EYA1: variants seen among roughly 807,000 people sequenced by gnomAD.
EYA1 encodes protein phosphatase EYA1.
In EYA1, 16 loss-of-function variants were observed where a neutral mutation model predicts 82.0. The observed-to-expected ratio is 0.20, with a 90% CI of 0.13 to 0.30. The LOEUF is 0.30. EYA1 is among the 10% of genes least tolerant of loss of function. The probability of loss-of-function intolerance (pLI) is 1.00; values close to 1 mark genes in which losing one functional copy is unlikely to be tolerated. For synonymous variants in EYA1, 261 were observed against 264.4 expected, an observed-to-expected ratio of 0.99 and a Z score of 0.12; for missense variants, 633 against 730.7, an observed-to-expected ratio of 0.87 and a Z score of 1.54.
intron 2 of EYA1, among the ~76,000 whole-genome samples, chr8:71,440,745 T>C (rs555581861): frequency 2.0e-5 from 3 of 152,266 alleles, no homozygotes; most frequent in Non-Finnish European, 4.4e-5. Context: ...AATTTTTGAA[T>C]TGTGGGGTTT....
chr8:71,489,024 C>A (rs1810789298), intron 2 of EYA1, among the ~76,000 whole-genome samples: 1 of 152,224 alleles, frequency 6.6e-6, no homozygotes, highest in African/African-American at 2.4e-5. Flanking sequence ...TTTCTACCAT[C>A]TCTTCCTGAT....
intron 9 of EYA1, among the ~76,000 whole-genome samples, chr8:71,291,626 A>G (rs928475806): frequency 2.6e-5 from 4 of 152,208 alleles, no homozygotes; most frequent in Non-Finnish European, 5.9e-5. Flanking sequence ...TTCGTTCACC[A>G]TTCACTTTTA....
chr8:71,244,478 T>A (rs1812837212), intron 12 of EYA1, 125 bp downstream of exon 12: 6 of 628,440 alleles, frequency 9.5e-6, no homozygotes, highest in Non-Finnish European at 1.7e-5. Context: ...CACATTGCCA[T>A]ATTACCAACA....
chr8:71,304,380 A>G (rs892498362), intron 7 of EYA1, among the ~76,000 whole-genome samples: 1 of 142,744 alleles, frequency 7.0e-6, no homozygotes, highest in Non-Finnish European at 1.6e-5. Flanking sequence ...CTTAATCTCT[A>G]TAGTAAATTG....
At chr8:71,398,781 T>A (rs1443005540) in intron 2 of EYA1, among the ~76,000 whole-genome samples, 1 of 152,206 alleles carries the variant, frequency 6.6e-6, no homozygotes, top group African/African-American at 2.4e-5. Flanking sequence ...TGTTCTCAGG[T>A]CTCAAACTCC....
intron 12 of EYA1, among the ~76,000 whole-genome samples, chr8:71,243,586 G>A (rs1049353419): frequency 6.6e-6 from 1 of 152,212 alleles, no homozygotes; most frequent in Non-Finnish European, 1.5e-5. Flanking sequence ...TCGTCTTTGA[G>A]TAGTTTCATT....
chr8:71,272,652 G>A (rs564372450), intron 9 of EYA1, among the ~76,000 whole-genome samples: 1 of 152,302 alleles, frequency 6.6e-6, no homozygotes, highest in South Asian at 2.1e-4. Flanking sequence ...GTCGGGCAGT[G>A]ATTGTGGAGC....
At chr8:71,252,878 C>A (rs939421244) in intron 11 of EYA1, among the ~76,000 whole-genome samples, 1 of 152,164 alleles carries the variant, frequency 6.6e-6, no homozygotes, top group Non-Finnish European at 1.5e-5. Context: ...TTAACAGTGA[C>A]AATTTGTGAA....
intron 2 of EYA1, among the ~76,000 whole-genome samples, chr8:71,450,157 T>C (rs1483873417): frequency 6.6e-6 from 1 of 152,238 alleles, no homozygotes; most frequent in Non-Finnish European, 1.5e-5. Context: ...GAAGTAACAC[T>C]TGTAATTTAC....
chr8:71,368,124 A>G (rs1219028759), intron 2 of EYA1, among the ~76,000 whole-genome samples: 1 of 152,216 alleles, frequency 6.6e-6, no homozygotes, highest in African/African-American at 2.4e-5. Flanking sequence ...TTTACCTGAA[A>G]TACAGAGTAA....
chr8:71,512,612 A>G (rs1422607199), intron 2 of EYA1, among the ~76,000 whole-genome samples: 1 of 152,082 alleles, frequency 6.6e-6, no homozygotes, highest in Admixed American at 6.6e-5. Flanking sequence ...AAAAAAATTG[A>G]AAATGAATTT....
At chr8:71,442,418 T>G (rs1315268126) in intron 2 of EYA1, among the ~76,000 whole-genome samples, 1 of 152,228 alleles carries the variant, frequency 6.6e-6, no homozygotes, top group Non-Finnish European at 1.5e-5. Flanking sequence ...ATAACATTTA[T>G]GCATGTGCCC....
chr8:71,386,214 C>T (rs1175286092), intron 2 of EYA1, among the ~76,000 whole-genome samples: 1 of 152,160 alleles, frequency 6.6e-6, no homozygotes, highest in Non-Finnish European at 1.5e-5. Flanking sequence ...AATCTCAGAT[C>T]AGCACTGTCT....
intron 12 of EYA1, among the ~76,000 whole-genome samples, chr8:71,237,478 T>C (rs1360818023): frequency 6.6e-6 from 1 of 152,198 alleles, no homozygotes; most frequent in Non-Finnish European, 1.5e-5. Flanking sequence ...TTTGGCTCAG[T>C]TGTGTCTTTA....
intron 12 of EYA1, among the ~76,000 whole-genome samples, chr8:71,243,285 T>G (rs1281481633): frequency 1.3e-5 from 2 of 152,188 alleles, no homozygotes; most frequent in Admixed American, 1.3e-4. Flanking sequence ...AAATGTGGAA[T>G]TTTTTGTGCT....
intron 2 of EYA1, among the ~76,000 whole-genome samples, chr8:71,406,423 C>T (rs140256948): frequency 0.016 from 2,381 of 152,278 alleles, 54 homozygotes; most frequent in African/African-American, 0.054. Flanking sequence ...GCGTGAGCGA[C>T]GCAGAAGACA....
intron 12 of EYA1, among the ~76,000 whole-genome samples, chr8:71,233,443 A>T (rs1240040812): frequency 6.6e-6 from 1 of 151,882 alleles, no homozygotes; most frequent in Non-Finnish European, 1.5e-5. Flanking sequence ...GGGCGCCTGT[A>T]TTCCCAGCTA....
intron 2 of EYA1, among the ~76,000 whole-genome samples, chr8:71,488,814 C>G (rs1563666111): frequency 6.6e-6 from 1 of 152,306 alleles, no homozygotes; most frequent in East Asian, 1.9e-4. Flanking sequence ...GAATGTCCAA[C>G]TTCTTGATTT....
chr8:71,518,000 C>T (rs1353697864), intron 2 of EYA1, among the ~76,000 whole-genome samples: 2 of 151,764 alleles, frequency 1.3e-5, no homozygotes, highest in African/African-American at 4.8e-5. Flanking sequence ...CGTATCTATA[C>T]TTTATAGACA....
Sources: allele counts gnomAD v4.1 joint callset (sites outside exome capture counted in the v4.1 genomes callset), GRCh38; gene constraint gnomAD v4.1.1; transcripts MANE v1.5; gene names NCBI Gene and HGNC (gene_info 2026-07-23, HGNC 2026-07-21).